Variants in RHBDF2 observed in about 807,000 individuals in gnomAD.
RHBDF2 encodes the protein rhomboid 5 homolog 2.
RHBDF2 carries 38 observed loss-of-function variants against 95.2 expected under a neutral mutation model. The observed-to-expected ratio is 0.40, with a 90% CI of 0.31 to 0.52. The LOEUF (loss-of-function observed/expected upper bound fraction) is 0.52. Ranked by LOEUF, RHBDF2 falls within the 20% of genes least tolerant of loss-of-function variation. The pLI, the probability that RHBDF2 is intolerant of heterozygous loss-of-function variation, is 0.56. For synonymous variants in RHBDF2, 442 were observed against 462.0 expected, an observed-to-expected ratio of 0.96 and a Z score of 0.55; for missense variants, 863 against 1,137.7, an observed-to-expected ratio of 0.76 and a Z score of 3.47.
At chr17:76,487,116 G>A (rs901557636) in intron 2 of RHBDF2, among the ~76,000 whole-genome samples, 1 of 151,646 alleles carries the variant, frequency 6.6e-6, no homozygotes, top group East Asian at 1.9e-4. Flanking sequence ...GCACCGCCAT[G>A]CCCAGCTAAT....
chr17:76,471,887 G>T lies in RHBDF2; in HGVS notation c.2230C>A (p.His744Asn). 5.1e-6 allele frequency: 8 copies of T among 1,583,044 alleles called. No homozygotes were observed. Among genetic ancestry groups the T allele is most frequent in the Non-Finnish European group, 6.9e-6 (8 of 1,164,456 alleles). ...GLLPWIDNIA[H>N]IFGFLSGLLL... ...AGGCCACTGAGGAAGCCGAAGATGT[G>T]GGCGATGTTGTCGATCCAGGGCAGG... Residue 744 changes from histidine to asparagine, a missense_variant, in exon 19 of 19, where the codon CAC becomes AAC. Transcript: ENST00000675367.
intron 2 of RHBDF2, among the ~76,000 whole-genome samples, chr17:76,484,041 C>G (rs1029426070): frequency 6.6e-6 from 1 of 152,114 alleles, no homozygotes; most frequent in African/African-American, 2.4e-5. Flanking sequence ...GTGGGCAGAT[C>G]ACCTGAGGTC....
At chr17:76,498,813 TGTGTGTGTGTGA>T (rs2074499108) in intron 1 of RHBDF2, among the ~76,000 whole-genome samples, 1 of 150,332 alleles carries the variant, frequency 6.7e-6, no homozygotes. Flanking sequence ...TGTGTGTGTG[TGTGTGTGTGTGA>T]GTCTGTGTGT....
At position 76,491,398 on chromosome 17, in the gene RHBDF2, A is replaced by G. The variant is rs930618627; in HGVS notation, c.-219-3489T>C. Among the ~76,000 whole-genome samples the G allele has an allele frequency of 5.3e-5, 8 of 151,476 alleles. No individual in the cohort carries two copies. In the East Asian group the frequency reaches 1.4e-3, roughly 26 times the overall value. ...GGCTCCCAAAACCCAACACTGAGGG[A>G]GAGGAGAGCCTGGTCAGCCCCAGGG... is the stretch of plus-strand genomic sequence containing the variant. On this transcript the variant is annotated intron_variant, in intron 1 of 18. Transcript: ENST00000675367.
intron 1 of RHBDF2, among the ~76,000 whole-genome samples, chr17:76,489,694 C>T (rs1254602494): frequency 1.5e-4 from 6 of 39,238 alleles, no homozygotes; most frequent in African/African-American, 1.3e-4. Flanking sequence ...GAAGCCCTCC[C>T]GGGGCCGGGC....
At chr17:76,499,132 G>C (rs2074512139) in intron 1 of RHBDF2, among the ~76,000 whole-genome samples, 1 of 151,808 alleles carries the variant, frequency 6.6e-6, no homozygotes, top group African/African-American at 2.4e-5. Context: ...TTACAGTCAA[G>C]AGACCAAAAA....
chr17:76,494,463 T>G (rs1003280368), intron 1 of RHBDF2, among the ~76,000 whole-genome samples: 10 of 152,274 alleles, frequency 6.6e-5, no homozygotes, highest in African/African-American at 2.4e-4. Flanking sequence ...CAAAAGCTGC[T>G]GGTGGAGGCT....
In RHBDF2 at chr17:76,476,830, C is replaced by T. The variant is rs776242666; in HGVS notation, c.1115G>A (p.Arg372Gln). 1.6e-5 allele frequency: 25 copies of T among 1,597,632 alleles called. No individual in the cohort carries two copies. Among genetic ancestry groups the T allele is most frequent in the Admixed American group, 3.5e-5 (2 of 57,340 alleles). The change falls in exon 9 of 19, where the codon CGG becomes CAG. Residue 372 changes from arginine to glutamine, a missense_variant and splice_region_variant. Coordinates refer to ENST00000675367, the MANE Select transcript of RHBDF2 (RefSeq NM_001005498.4). ...QRQLESFDSH[R>Q]PYFTYWLTFV... is the part of the protein sequence containing the mutation. Reference sequence around the variant, plus strand: ...TGGGGGCTCCAGGGCGACACCTCACCGGTGGCTGTCGAAGCTCTCCAGCTG... The same window carrying T: ...TGGGGGCTCCAGGGCGACACCTCACTGGTGGCTGTCGAAGCTCTCCAGCTG...
chr17:76,488,058 T>A (rs1258112676), intron 1 of RHBDF2, 149 bp from the exon 2 acceptor site: 4 of 152,172 alleles, frequency 2.6e-5, no homozygotes, highest in African/African-American at 9.7e-5. Flanking sequence ...CATCTCCGAG[T>A]GCCAAGCAGC....
intron 12 of RHBDF2, 81 bp downstream of exon 12, chr17:76,474,292 C>G (rs1024278612): frequency 2.5e-5 from 38 of 1,498,832 alleles, no homozygotes; most frequent in Admixed American, 3.4e-5. Flanking sequence ...GGAACGTGGT[C>G]ACTGCCCTTG....
chr17:76,478,994 C>T lies in RHBDF2; in HGVS notation c.484G>A (p.Ala162Thr). 3 of 1,597,518 alleles carry T rather than the reference C, an allele frequency of 1.9e-6. No homozygotes were observed. The highest frequency in any genetic ancestry group is 2.6e-6 in the Non-Finnish European group (3 of 1,170,034). ...CKMPKIVDPL[A>T]RGRAFRHPEE... is the part of the protein sequence containing the mutation. Reference sequence around the variant, plus strand: ...GGGTGGCGGAAGGCCCGGCCCCGGGCCAGCGGATCCACAATCTGGAAGGGA... The same window carrying T: ...GGGTGGCGGAAGGCCCGGCCCCGGGTCAGCGGATCCACAATCTGGAAGGGA... The change falls in exon 6 of 19, where the codon GCC becomes ACC. Residue 162 changes from alanine to threonine, a missense_variant. Physicochemically the swap from Ala to Thr is moderately conservative, Grantham distance 58. Coordinates refer to ENST00000675367, the MANE Select transcript of RHBDF2 (RefSeq NM_001005498.4).
Position 76,476,891 on chromosome 17 carries a change from T to G in RHBDF2, c.1054A>C (p.Ser352Arg). The G allele has an allele frequency of 6.2e-7, 1 of 1,612,924 alleles. No homozygotes were observed. Reference sequence around the variant, plus strand: ...GTGCTGCTGATGCTGCGGCGGTAGCTGCGGTTCAGCCAGTTGCCCACCACG... The same window carrying G: ...GTGCTGCTGATGCTGCGGCGGTAGCGGCGGTTCAGCCAGTTGCCCACCACG... ...LGVVGNWLNR[S>R]YRRSISSTVQ... Residue 352 changes from serine to arginine, a missense_variant, in exon 9 of 19, where the codon AGC (serine) becomes CGC (arginine). Transcript: ENST00000675367.
chr17:76,477,759 T>C lies in RHBDF2; in HGVS notation c.699A>G (p.Gly233=), dbSNP rs2073820199. 1.9e-6 allele frequency: 3 copies of C among 1,612,798 alleles called. No individual in the cohort carries two copies. The highest frequency in any genetic ancestry group is 1.3e-5 in the African/African-American group (1 of 75,046). The part of the protein sequence containing the change: ...LKGRSVLDAT[G]QRCRVVKRSF... ...TGCGCTTGACCACCCGGCACCGCTG[T>C]CCGGTGGCATCCAGCACCGAGCGCC... The change falls in exon 7 of 19, where the codon GGA becomes GGG. Residue 233 remains glycine (G), a synonymous_variant. Coordinates refer to ENST00000675367, the MANE Select transcript of RHBDF2 (RefSeq NM_001005498.4).
chr17:76,486,135 G>A (rs1367265581), intron 2 of RHBDF2, among the ~76,000 whole-genome samples: 3 of 151,546 alleles, frequency 2.0e-5, no homozygotes, highest in Non-Finnish European at 4.4e-5. Context: ...TTGAGACAGA[G>A]TCTTGCTCTG....
chr17:76,472,040 C>A lies in RHBDF2; in HGVS notation c.2077G>T (p.Gly693Cys). 6.4e-7 allele frequency: 1 copy of A among 1,563,370 alleles called. No homozygotes were observed. Residue 693 changes from glycine (G) to cysteine (C), a missense_variant, in exon 19 of 19, where the codon GGC becomes TGC. Gly to Cys is a radical substitution (Grantham distance 159). This residue lies in a region of RHBDF2 where 252 missense variants were observed against 412.2 expected (regional missense o/e 0.61). Coordinates refer to ENST00000675367, the MANE Select transcript of RHBDF2 (RefSeq NM_001005498.4). ...LPYRAEVGPAGSQFGLLACLF... is the reference protein window; with the variant it reads ...LPYRAEVGPACSQFGLLACLF... ...CAGGCGAGGAGGCCGAACTGTGAGC[C>A]GGCCGGGCCCACCTGGGGCGGGGCA...
Position 76,473,752 on chromosome 17 carries a change from G to A in RHBDF2, c.1639-10C>T. 1.2e-6 allele frequency: 2 copies of A among 1,611,904 alleles called. No homozygotes were observed. Among genetic ancestry groups the A allele is most frequent in the East Asian group, 2.2e-5 (1 of 44,800 alleles). Reference sequence around the variant, plus strand: ...CCTGCTCTGTGCAGATCTGCCAGGAGGGGGCACCGGCAGGGAAGTGGGCTG... The same window carrying A: ...CCTGCTCTGTGCAGATCTGCCAGGAAGGGGCACCGGCAGGGAAGTGGGCTG... On this transcript the variant is annotated splice_polypyrimidine_tract_variant and intron_variant, in intron 14 of 18. Transcript: ENST00000675367.
intron 2 of RHBDF2, among the ~76,000 whole-genome samples, chr17:76,486,952 C>CATT (rs1555618099): frequency 1.4e-5 from 1 of 72,598 alleles, no homozygotes; most frequent in Non-Finnish European, 2.5e-5. Context: ...CGCTTCCTGC[C>CATT]TTTTTTTTTT....
rs1234335529 is a variant in RHBDF2 at position 76,484,576 on chromosome 17, A to C, written c.-21-3031T>G. On this transcript the variant is annotated intron_variant, in intron 2 of 18. Transcript: ENST00000675367. ...TCTCAATTCCTCTACCTGCTGCCTCAAGCCCCCTGAGACTGATCATTCTCC... is the reference window on the plus strand; with the variant it reads ...TCTCAATTCCTCTACCTGCTGCCTCCAGCCCCCTGAGACTGATCATTCTCC... Among the ~76,000 whole-genome samples the C allele has an allele frequency of 6.1e-5, 7 of 114,958 alleles. No homozygotes were observed. In the East Asian group the frequency reaches 2.3e-3, roughly 38 times the overall value. 75.4% of individuals were successfully genotyped at this position (114,958 alleles called of 152,430 possible). A position where few individuals can be genotyped will look rare whatever the true frequency, so the allele number is the denominator to read the frequency against.
At chr17:76,474,227 T>A in intron 12 of RHBDF2, 85 bp from the exon 13 acceptor site, 1 of 1,312,164 alleles carries the variant, frequency 7.6e-7, no homozygotes, top group Non-Finnish European at 1.1e-6. Flanking sequence ...TTTTCCCATC[T>A]CCCCAGGGCT....
Sources: allele counts gnomAD v4.1 joint callset (sites outside exome capture counted in the v4.1 genomes callset), GRCh38; gene constraint gnomAD v4.1.1; regional missense constraint gnomAD v4.1.1; transcripts MANE v1.5; gene names NCBI Gene and HGNC (gene_info 2026-07-23, HGNC 2026-07-21).